Variants in ABL2 observed in about 807,000 individuals in gnomAD.
ABL2 encodes the protein tyrosine-protein kinase ABL2.
Under a neutral mutation model 107.7 loss-of-function variants are expected in ABL2, and 49 were observed. The observed-to-expected ratio is 0.45, with a 90% CI of 0.36 to 0.58. ABL2 has a LOEUF of 0.58. Among genes scored for constraint, ABL2 ranks in the 20% least tolerant of loss-of-function variants. The pLI is 0.00. For synonymous variants in ABL2, 549 were observed against 548.6 expected, an observed-to-expected ratio of 1.00 and a Z score of -0.01; for missense variants, 1,245 against 1,457.0, an observed-to-expected ratio of 0.85 and a Z score of 2.37.
chr1:179,168,330 T>C (rs1294259517), intron 1 of ABL2, among the ~76,000 whole-genome samples: 1 of 152,238 alleles, frequency 6.6e-6, no homozygotes, highest in African/African-American at 2.4e-5. Flanking sequence ...AGATTACTGA[T>C]AATATCTAAT....
rs370084382 is a variant in ABL2 at position 179,121,682 on chromosome 1, C to T, written c.873G>A (p.Lys291=). 6.8e-6 allele frequency: 11 copies of T among 1,614,052 alleles called. No homozygotes were observed. In the African/African-American group the frequency reaches 1.2e-4, roughly 18 times the overall value. Residue 291 remains lysine, a synonymous_variant, in exon 5 of 12, where the codon AAG becomes AAA. Transcript: ENST00000502732. ...WEMERTDITM[K]HKLGGGQYGE... is the part of the protein sequence containing the mutation. ...CATACTGACCGCCCCCAAGTTTGTG[C>T]TTCATGGTAATATCTGTTCGCTCCA...
chr1:179,119,207 T>C (rs1405271264), intron 6 of ABL2, among the ~76,000 whole-genome samples: 1 of 152,146 alleles, frequency 6.6e-6, no homozygotes, highest in South Asian at 2.1e-4. Context: ...ATCATTTCCA[T>C]AGTCAAGGAT....
At chr1:179,159,701 G>A (rs923438119) in intron 1 of ABL2, among the ~76,000 whole-genome samples, 3 of 152,016 alleles carry the variant, frequency 2.0e-5, no homozygotes, top group Admixed American at 6.5e-5. Flanking sequence ...TCTCAAATAC[G>A]GGTTTAAATG....
chr1:179,099,827 G>A lies in ABL2; in HGVS notation c.*7891C>T. 4.3e-6 allele frequency: 1 copy of A among 232,338 alleles called. No homozygotes were observed. Among genetic ancestry groups the A allele is most frequent in the Non-Finnish European group, 8.5e-6 (1 of 117,450 alleles). The allele number at this position is 232,338 out of a possible 1,614,324, so 14.4% of individuals were successfully genotyped here. A position where few individuals can be genotyped will look rare whatever the true frequency, so the allele number is the denominator to read the frequency against. On this transcript the variant is annotated 3_prime_UTR_variant, in exon 12 of 12. Transcript: ENST00000502732. Reference sequence around the variant, plus strand: ...GGGGTTTGTCCAGTGACAGTCATTAGAGAATCAGACTGCAGAGAAGGAAAA... The same window carrying A: ...GGGGTTTGTCCAGTGACAGTCATTAAAGAATCAGACTGCAGAGAAGGAAAA...
chr1:179,184,421 T>A, intron 1 of ABL2: 1 of 986,110 alleles, frequency 1.0e-6, no homozygotes, highest in Non-Finnish European at 1.5e-6. Context: ...AGAGGCAGCA[T>A]GAGGCACCAG....
chr1:179,200,991 C>A (rs1211645350), intron 1 of ABL2, among the ~76,000 whole-genome samples: 1 of 152,182 alleles, frequency 6.6e-6, no homozygotes, highest in Non-Finnish European at 1.5e-5. Flanking sequence ...GCCTACTACA[C>A]AGCAAAATTC....
chr1:179,171,285 G>A (rs1659702634), intron 1 of ABL2, among the ~76,000 whole-genome samples: 1 of 152,060 alleles, frequency 6.6e-6, no homozygotes, highest in African/African-American at 2.4e-5. Context: ...CTTATAGTAG[G>A]ATTTTACTGT....
chr1:179,138,261 A>G (rs959802298), intron 1 of ABL2, among the ~76,000 whole-genome samples: 4 of 152,090 alleles, frequency 2.6e-5, no homozygotes, highest in African/African-American at 9.7e-5. Context: ...TGGCTGTCAG[A>G]TATTGTTTAA....
intron 1 of ABL2, among the ~76,000 whole-genome samples, chr1:179,200,263 TCTTGAACTCCTGAC>T: frequency 6.6e-6 from 1 of 151,990 alleles, no homozygotes; most frequent in South Asian, 2.1e-4. Context: ...GCCAGACTGG[TCTTGAACTCCTGAC>T]CTCAGGTGAT....
chr1:179,216,457 G>A lies in ABL2; in HGVS notation c.157+12784C>T, dbSNP rs560539186. 1.2e-4 allele frequency among the ~76,000 whole-genome samples: 18 copies of A among 152,168 alleles called. No individual in the cohort carries two copies. The South Asian group carries it at 3.1e-3, about 26-fold the overall frequency. On this transcript the variant is annotated intron_variant, in intron 1 of 11. Coordinates refer to ENST00000502732, the MANE Select transcript of ABL2 (RefSeq NM_007314.4). ...ACACACATCTCTTTTTAGTTGTTTC[G>A]TAAGGATGTTCATCAACATCTATTT... is the stretch of plus-strand genomic sequence containing the variant.
intron 5 of ABL2, 90 bp downstream of exon 5, chr1:179,121,505 T>G (rs1655193444): frequency 6.6e-7 from 1 of 1,514,482 alleles, no homozygotes; most frequent in African/African-American, 1.4e-5. Context: ...TGGAAAGTGT[T>G]CCAAAGTTAA....
At chr1:179,167,684 T>C (rs902587532) in intron 1 of ABL2, among the ~76,000 whole-genome samples, 3 of 152,204 alleles carry the variant, frequency 2.0e-5, no homozygotes, top group Non-Finnish European at 2.9e-5. Flanking sequence ...ATATACCCAA[T>C]AAATGTAAAA....
In ABL2 at chr1:179,184,427, A is replaced by G; in HGVS notation, c.157+44814T>C. On this transcript the variant is annotated intron_variant, in intron 1 of 11. Coordinates refer to ENST00000502732, the MANE Select transcript of ABL2 (RefSeq NM_007314.4). ...CCAGCAGGAAGAGGCAGCATGAGGC[A>G]CCAGAGAGCTTCTTTATCTGGTTTA... 4.0e-6 allele frequency: 4 copies of G among 995,732 alleles called. No homozygotes were observed. In the South Asian group the frequency reaches 4.2e-5, roughly 11 times the overall value. The allele number at this position is 995,732 out of a possible 1,614,324, so 61.7% of individuals were successfully genotyped here. A position where few individuals can be genotyped will look rare whatever the true frequency, so the allele number is the denominator to read the frequency against.
At chr1:179,156,367 A>G (rs947427964) in intron 1 of ABL2, among the ~76,000 whole-genome samples, 1 of 152,242 alleles carries the variant, frequency 6.6e-6, no homozygotes, top group African/African-American at 2.4e-5. Flanking sequence ...ATGTGTTAGA[A>G]GTAAGAAGGA....
chr1:179,223,593 C>T (rs1290057117), intron 1 of ABL2, among the ~76,000 whole-genome samples: 1 of 151,994 alleles, frequency 6.6e-6, no homozygotes, highest in East Asian at 1.9e-4. Flanking sequence ...CCCAACTACA[C>T]ATCTATAACT....
At chr1:179,203,922 A>G (rs1488887876) in intron 1 of ABL2, among the ~76,000 whole-genome samples, 1 of 152,202 alleles carries the variant, frequency 6.6e-6, no homozygotes, top group Non-Finnish European at 1.5e-5. Flanking sequence ...CCAGTAATTC[A>G]ATGTCCTTAT....
intron 1 of ABL2, among the ~76,000 whole-genome samples, chr1:179,212,235 C>T (rs889907668): frequency 6.6e-6 from 1 of 152,138 alleles, no homozygotes; most frequent in African/African-American, 2.4e-5. Flanking sequence ...ACCCTTGACA[C>T]GTGGGGATTA....
Position 179,184,967 on chromosome 1 carries a change from G to A in ABL2, c.157+44274C>T, listed in dbSNP as rs540093964. Among the ~76,000 whole-genome samples, 108 of 152,078 alleles carry A rather than the reference G, an allele frequency of 7.1e-4. No homozygotes were observed. The Middle Eastern group carries it at 0.031, about 43-fold the overall frequency. On this transcript the variant is annotated intron_variant, in intron 1 of 11. Coordinates refer to ENST00000502732, the MANE Select transcript of ABL2 (RefSeq NM_007314.4). Reference sequence around the variant, plus strand: ...GGAATCACCACCACCTAGCTCTGTCGGAAAAAAAGAAAAACCTGCTCCCTT... The same window carrying A: ...GGAATCACCACCACCTAGCTCTGTCAGAAAAAAAGAAAAACCTGCTCCCTT...
At chr1:179,135,325 G>A (rs1279684198) in intron 1 of ABL2, among the ~76,000 whole-genome samples, 1 of 151,804 alleles carries the variant, frequency 6.6e-6, no homozygotes. Context: ...TGGGAAGTGA[G>A]GAGCGTCTCT....
Sources: allele counts gnomAD v4.1 joint callset (sites outside exome capture counted in the v4.1 genomes callset), GRCh38; gene constraint gnomAD v4.1.1; transcripts MANE v1.5; gene names NCBI Gene and HGNC (gene_info 2026-07-23, HGNC 2026-07-21).